SNURF: variants seen among roughly 807,000 people sequenced by gnomAD.
SNURF encodes SNURF protein.
A neutral mutation model predicts 11.6 loss-of-function variants in SNURF; 6 were observed. That is an observed-to-expected ratio of 0.52 (90% CI 0.28 to 1.02). The LOEUF (loss-of-function observed/expected upper bound fraction) is 1.02. Among genes scored for constraint, SNURF ranks in the 50% least tolerant of loss-of-function variants. The probability of loss-of-function intolerance (pLI) is 0.09; values close to 1 mark genes in which losing one functional copy is unlikely to be tolerated. For missense variants in SNURF, 84 were observed against 88.4 expected, an observed-to-expected ratio of 0.95 and a Z score of 0.20; for synonymous variants, 29 against 31.6, an observed-to-expected ratio of 0.92 and a Z score of 0.27.
chr15:24,971,388 A>G (rs1460184825), downstream of SNURF, among the ~76,000 whole-genome samples: 1 of 152,180 alleles, frequency 6.6e-6, no homozygotes, highest in African/African-American at 2.4e-5. Flanking sequence ...GGTCATGACT[A>G]CATTGTATCA....
chr15:24,969,169 C>T (rs1322075259), downstream of SNURF, among the ~76,000 whole-genome samples: 2 of 152,080 alleles, frequency 1.3e-5, no homozygotes, highest in Non-Finnish European at 2.9e-5. Context: ...CACTCTGTTG[C>T]CCAGGCTGGA....
intron 1 of SNURF, among the ~76,000 whole-genome samples, chr15:24,960,140 C>G (rs1383714928): frequency 6.6e-6 from 1 of 151,408 alleles, no homozygotes; most frequent in Non-Finnish European, 1.5e-5. Flanking sequence ...TGGTGCATGC[C>G]TGTAATCCCA....
At chr15:24,956,500 GC>G (rs36046907) in intron 1 of SNURF, among the ~76,000 whole-genome samples, 1 of 152,172 alleles carries the variant, frequency 6.6e-6, no homozygotes, top group Non-Finnish European at 1.5e-5. Context: ...GTGGGCGGCT[GC>G]CCCCTCCCCA....
chr15:24,966,682 A>G (rs1361037391), intron 2 of SNURF, among the ~76,000 whole-genome samples: 1 of 152,152 alleles, frequency 6.6e-6, no homozygotes, highest in Non-Finnish European at 1.5e-5. Context: ...CCAAGGATGT[A>G]TAGGATGTAT....
downstream of SNURF, chr15:24,978,537 G>A: frequency 9.2e-7 from 1 of 1,090,722 alleles, no homozygotes; most frequent in Non-Finnish European, 1.4e-6. Context: ...CCCTCATTCT[G>A]CATTAATAAT....
At chr15:24,962,313 G>A in intron 2 of SNURF, 104 bp downstream of exon 2, 1 of 896,096 alleles carries the variant, frequency 1.1e-6, no homozygotes, top group African/African-American at 1.6e-5. Context: ...AATTGAAGAA[G>A]CAGACACATC....
intron 6 of SNURF, among the ~76,000 whole-genome samples, chr15:24,977,602 C>T (rs1430920333): frequency 6.6e-6 from 1 of 152,132 alleles, no homozygotes; most frequent in Admixed American, 6.5e-5. Context: ...TGCGCCATTA[C>T]ACTCCAGCCT....
chr15:24,977,038 C>A, intron 6 of SNURF: 1 of 1,552,854 alleles, frequency 6.4e-7, no homozygotes. Flanking sequence ...AGGTGAGGAA[C>A]CAGCAGAGGG....
chr15:24,968,745 T>A (rs1324233079), downstream of SNURF: 1 of 152,172 alleles, frequency 6.6e-6, no homozygotes, highest in Non-Finnish European at 1.5e-5. Context: ...TGTTTTGTCT[T>A]TTTCTCACTT....
chr15:24,971,671 A>G (rs139529731), downstream of SNURF, among the ~76,000 whole-genome samples: 5 of 152,246 alleles, frequency 3.3e-5, no homozygotes, highest in African/African-American at 7.2e-5. Flanking sequence ...TTTATATCCT[A>G]TTGCTCAAGG....
At chr15:24,978,625 GATCTT>G (rs1463197630), downstream of SNURF, 3 of 638,618 alleles carry the variant, frequency 4.7e-6, no homozygotes, top group Non-Finnish European at 8.3e-6. Context: ...ATTTTGATGA[GATCTT>G]AAGTTACTGT....
At chr15:24,961,739 T>G (rs2074860008) in intron 1 of SNURF, among the ~76,000 whole-genome samples, 1 of 152,212 alleles carries the variant, frequency 6.6e-6, no homozygotes, top group Non-Finnish European at 1.5e-5. Flanking sequence ...TGAAACCATT[T>G]TGGAAATCAG....
downstream of SNURF, among the ~76,000 whole-genome samples, chr15:24,970,761 A>G (rs2076298334): frequency 6.6e-6 from 1 of 152,296 alleles, no homozygotes; most frequent in East Asian, 1.9e-4. Context: ...TGGCCACTAA[A>G]AATTAGTAGA....
At chr15:24,978,099 TGTC>T (rs1369735867), downstream of SNURF, 51 of 1,353,768 alleles carry the variant, frequency 3.8e-5, no homozygotes, top group African/African-American at 6.4e-4. Context: ...CTATCATTGT[TGTC>T]TGGCCCATTT....
chr15:24,976,813 A>G, intron 5 of SNURF: 1 of 1,436,310 alleles, frequency 7.0e-7, no homozygotes, highest in Non-Finnish European at 9.7e-7. Context: ...GTGATCTCTG[A>G]TGAATAAGAA....
At chr15:24,966,725 A>G (rs576365520) in intron 2 of SNURF, among the ~76,000 whole-genome samples, 13 of 152,348 alleles carry the variant, frequency 8.5e-5, no homozygotes, top group African/African-American at 2.9e-4. Context: ...AGCAAAGGCC[A>G]GTTAAATTCT....
At chr15:24,958,256 T>G (rs1303491442) in intron 1 of SNURF, among the ~76,000 whole-genome samples, 1 of 152,122 alleles carries the variant, frequency 6.6e-6, no homozygotes, top group African/African-American at 2.4e-5. Context: ...TAACCTCCTT[T>G]GTTTATCAGC....
intron 2 of SNURF, among the ~76,000 whole-genome samples, chr15:24,962,713 CAT>C (rs2075026830): frequency 6.6e-6 from 1 of 152,088 alleles, no homozygotes; most frequent in South Asian, 2.1e-4. Flanking sequence ...CACTCAGACA[CAT>C]ATTTTAATTT....
intron 1 of SNURF, among the ~76,000 whole-genome samples, chr15:24,956,393 G>A (rs1384347150): frequency 6.6e-6 from 1 of 150,840 alleles, no homozygotes; most frequent in Non-Finnish European, 1.5e-5. Context: ...GCCGCCAGTG[G>A]GGAGGGGGCA....
Sources: allele counts gnomAD v4.1 joint callset (sites outside exome capture counted in the v4.1 genomes callset), GRCh38; gene constraint gnomAD v4.1.1; transcripts MANE v1.5; gene names NCBI Gene and HGNC (gene_info 2026-07-23, HGNC 2026-07-21).